The following PAQR5 variants were observed in gnomAD, a reference collection of about 807,000 sequenced individuals.
PAQR5 encodes progestin and adipoQ receptor family member 5.
In PAQR5, 20 loss-of-function variants were observed where a neutral mutation model predicts 34.5. The observed-to-expected ratio is 0.58, with a 90% CI of 0.41 to 0.84. The LOEUF is 0.84. PAQR5 is among the 40% of genes least tolerant of loss of function. The pLI, the probability that PAQR5 is intolerant of heterozygous loss-of-function variation, is 0.00. For missense variants in PAQR5, 378 were observed against 412.7 expected (o/e 0.92, Z 0.73); for synonymous variants, 131 against 155.6 (o/e 0.84, Z 1.18).
At chr15:69,391,588 G>A (rs1360100435) in intron 6 of PAQR5, 1 of 452,120 alleles carries the variant, frequency 2.2e-6, no homozygotes, top group Non-Finnish European at 4.4e-6. Context: ...GACTGGCCAT[G>A]GTCCAGGAAC....
At position 69,405,068 on chromosome 15, in the gene PAQR5, G is replaced by A. The variant is rs776365670; in HGVS notation, c.*1246G>A. On this transcript the variant is annotated 3_prime_UTR_variant, in exon 9 of 9. Coordinates refer to ENST00000395407, the MANE Select transcript of PAQR5 (RefSeq NM_017705.4). ...GCGTAACCTCATTTTATGTTCCAGC[G>A]TTTTCTACTCTGAATAGTTCTAAAA... is the stretch of plus-strand genomic sequence containing the variant. The A allele has an allele frequency of 3.8e-4, 152 of 398,502 alleles. No homozygotes were observed. The highest frequency in any genetic ancestry group is 5.6e-4 in the Non-Finnish European group (127 of 225,990). The allele number at this position is 398,502 out of a possible 1,614,324, so 24.7% of individuals were successfully genotyped here.
At position 69,360,796 on chromosome 15, in the gene PAQR5, A is replaced by T. The variant is rs145172188; in HGVS notation, c.51+665A>T. On this transcript the variant is annotated intron_variant, in intron 3 of 8. Coordinates refer to ENST00000395407, the MANE Select transcript of PAQR5 (RefSeq NM_017705.4). ...TGATGTCAAATTTCCTTCCTTTTTG[A>T]CTAAGAAAAGTGGGTGTCATTTCAT... Among the ~76,000 whole-genome samples, 620 of 152,278 alleles carry T rather than the reference A, an allele frequency of 4.1e-3. 6 individuals carry two copies. The highest frequency in any genetic ancestry group is 0.012 in the African/African-American group (513 of 41,556).
At chr15:69,328,994 A>G (rs1397040215) in intron 1 of PAQR5, among the ~76,000 whole-genome samples, 2 of 152,250 alleles carry the variant, frequency 1.3e-5, no homozygotes, top group East Asian at 3.8e-4. Flanking sequence ...ACTGACTGGT[A>G]GCATGACTCT....
rs570291906 is a variant in PAQR5 at position 69,340,113 on chromosome 15, G to A, written c.-116+2612G>A. On this transcript the variant is annotated intron_variant, in intron 2 of 8. Transcript: ENST00000395407. ...ACTTCCGACCTCAGGTGATCTGCCC[G>A]CCTTGGACTCCCAAAGTGCTGGGAT... 2.4e-3 allele frequency among the ~76,000 whole-genome samples: 362 copies of A among 149,282 alleles called. 1 individual carries two copies. Among genetic ancestry groups the A allele is most frequent in the African/African-American group, 8.6e-3 (347 of 40,384 alleles).
intron 2 of PAQR5, among the ~76,000 whole-genome samples, chr15:69,354,632 A>G (rs7171593): frequency 0.95 from 144,272 of 152,230 alleles, 68,867 homozygotes; most frequent in South Asian, 1. Context: ...GCAGATGGGT[A>G]CCAAGTTGAC....
Position 69,379,887 on chromosome 15 carries a change from T to A in PAQR5, c.56T>A (p.Phe19Tyr). 1 of 1,613,800 alleles carries A rather than the reference T, an allele frequency of 6.2e-7. No individual in the cohort carries two copies. Among genetic ancestry groups the A allele is most frequent in the South Asian group, 1.1e-5 (1 of 91,064 alleles). Residue 19 changes from phenylalanine to tyrosine, a missense_variant, in exon 4 of 9, where the codon TTC becomes TAC. Coordinates refer to ENST00000395407, the MANE Select transcript of PAQR5 (RefSeq NM_017705.4). Reference sequence around the variant, plus strand: ...CCTTTTCCTTTGCCTCTGCAGGTGTTCCATGAGCAAGGCATCCTGTTCGGC... The same window carrying A: ...CCTTTTCCTTTGCCTCTGCAGGTGTACCATGAGCAAGGCATCCTGTTCGGC... The part of the protein sequence containing the change: ...LFSIDQIPQV[F>Y]HEQGILFGYR...
At chr15:69,355,288 TTTTCTTTCTTTC>T (rs202025030) in intron 2 of PAQR5, among the ~76,000 whole-genome samples, 34 of 135,812 alleles carry the variant, frequency 2.5e-4, no homozygotes, top group African/African-American at 6.7e-4. Context: ...TCTTTCTTTC[TTTTCTTTCTTTC>T]TTTCTTTCTT....
rs201906612 is a variant in PAQR5 at position 69,400,116 on chromosome 15, G to T, written c.751+1G>T. ...GCCCCTGGACGCTTTGACTACATCG[G>T]TGAGTGGGCAACAGCCCTGCTGCTC... On this transcript the variant is annotated splice_donor_variant, in intron 8 of 8. Coordinates refer to ENST00000395407, the MANE Select transcript of PAQR5 (RefSeq NM_017705.4). LOFTEE classifies it high-confidence loss of function. 85 of 1,611,558 alleles carry T rather than the reference G, an allele frequency of 5.3e-5. No individual in the cohort carries two copies. The highest frequency in any genetic ancestry group is 6.9e-5 in the Non-Finnish European group (81 of 1,178,800).
At chr15:69,302,158 G>A (rs999658137) in intron 1 of PAQR5, among the ~76,000 whole-genome samples, 2 of 151,964 alleles carry the variant, frequency 1.3e-5, no homozygotes, top group African/African-American at 2.4e-5. Context: ...TGCAACCTCC[G>A]CCTCCCGGTC....
chr15:69,365,706 T>C (rs1409850187), intron 3 of PAQR5, among the ~76,000 whole-genome samples: 2 of 152,184 alleles, frequency 1.3e-5, no homozygotes, highest in African/African-American at 4.8e-5. Flanking sequence ...CACAAGTGAG[T>C]TGGAGATTGC....
At chr15:69,309,621 G>C (rs1233392036) in intron 1 of PAQR5, among the ~76,000 whole-genome samples, 1 of 152,146 alleles carries the variant, frequency 6.6e-6, no homozygotes. Flanking sequence ...AATGTTACCA[G>C]TTCCACGCAT....
In PAQR5 at chr15:69,404,008, T is replaced by G. The variant is rs2140283104; in HGVS notation, c.*186T>G. 3.3e-6 allele frequency: 2 copies of G among 606,248 alleles called. No individual in the cohort carries two copies. The highest frequency in any genetic ancestry group is 1.9e-5 in the African/African-American group (1 of 54,034). The allele number at this position is 606,248 out of a possible 1,614,324, so 37.6% of individuals were successfully genotyped here. On this transcript the variant is annotated 3_prime_UTR_variant, in exon 9 of 9. Coordinates refer to ENST00000395407, the MANE Select transcript of PAQR5 (RefSeq NM_017705.4). ...TTTCTCTAAATGTACACTGATTCTG[T>G]GTGTGTGATTTTAAAAGGAGAATAT...
At chr15:69,403,003 A>T (rs936789057) in intron 8 of PAQR5, among the ~76,000 whole-genome samples, 2 of 152,252 alleles carry the variant, frequency 1.3e-5, no homozygotes, top group Non-Finnish European at 2.9e-5. Context: ...ATCTGTGACT[A>T]ACTGGCAGTA....
chr15:69,367,873 C>T (rs1318529088), intron 3 of PAQR5, among the ~76,000 whole-genome samples: 1 of 152,124 alleles, frequency 6.6e-6, no homozygotes, highest in East Asian at 1.9e-4. Flanking sequence ...TCAGAGTTGT[C>T]CCAAATGGGA....
At chr15:69,396,250 C>G (rs1380133666) in intron 6 of PAQR5, among the ~76,000 whole-genome samples, 1 of 149,208 alleles carries the variant, frequency 6.7e-6, no homozygotes, top group Non-Finnish European at 1.5e-5. Flanking sequence ...TGAAATCGGT[C>G]TGGGCTCAGA....
intron 3 of PAQR5, among the ~76,000 whole-genome samples, chr15:69,360,701 G>A (rs537243943): frequency 6.6e-6 from 1 of 152,216 alleles, no homozygotes; most frequent in Non-Finnish European, 1.5e-5. Flanking sequence ...GCCTGGTTGT[G>A]TGCTACAGAG....
chr15:69,374,984 C>T (rs1248526696), intron 3 of PAQR5, among the ~76,000 whole-genome samples: 1 of 152,142 alleles, frequency 6.6e-6, no homozygotes, highest in Non-Finnish European at 1.5e-5. Flanking sequence ...TCGCCCCAGC[C>T]ACCACACTGC....
At chr15:69,326,340 C>T (rs974564445) in intron 1 of PAQR5, among the ~76,000 whole-genome samples, 1 of 152,128 alleles carries the variant, frequency 6.6e-6, no homozygotes, top group Non-Finnish European at 1.5e-5. Context: ...GGCTGCATCC[C>T]GTTCTTTCCA....
intron 1 of PAQR5, among the ~76,000 whole-genome samples, chr15:69,304,242 A>G (rs1264203213): frequency 6.6e-6 from 1 of 152,130 alleles, no homozygotes; most frequent in Non-Finnish European, 1.5e-5. Context: ...AGCTTCATGC[A>G]CTACTGCCCT....
Sources: gnomAD v4.1 joint callset for allele counts (sites outside exome capture counted in the v4.1 genomes callset) on GRCh38, gnomAD v4.1.1 for gene constraint, MANE v1.5 for transcripts, NCBI Gene and HGNC (gene_info 2026-07-23, HGNC 2026-07-21) for gene names.